CPNE2: variants seen among roughly 807,000 people sequenced by gnomAD.
CPNE2 encodes copine 2, also known as copine-2.
In CPNE2, 42 loss-of-function variants were observed where a neutral mutation model predicts 69.7. The ratio of observed to expected loss-of-function variants is 0.60; its 90% confidence interval spans 0.47 to 0.78. The LOEUF is 0.78. CPNE2 is among the 30% of genes least tolerant of loss of function. The pLI is 0.00. For missense variants in CPNE2, 587 were observed against 732.0 expected (o/e 0.80, Z 2.29); for synonymous variants, 294 against 289.8 (o/e 1.01, Z -0.15).
intron 1 of CPNE2, among the ~76,000 whole-genome samples, chr16:57,097,896 A>G (rs2145231231): frequency 6.6e-6 from 1 of 152,254 alleles, no homozygotes; most frequent in African/African-American, 2.4e-5. Context: ...GCCTATCCCC[A>G]TGTGGAGCTT....
intron 12 of CPNE2, 125 bp downstream of exon 12, chr16:57,128,028 C>A: frequency 1.1e-6 from 1 of 891,408 alleles, no homozygotes; most frequent in Non-Finnish European, 1.8e-6. Context: ...TGTGTTCACC[C>A]CAGGCCACGC....
rs553796398 is a variant in CPNE2 at position 57,125,992 on chromosome 16, A to G, written c.1060A>G (p.Ser354Gly). Residue 354 changes from serine (S) to glycine (G), a missense_variant and splice_region_variant, in exon 11 of 16, where the codon AGT becomes GGT. By Grantham distance (56) the Ser-to-Gly change is moderately conservative. This residue lies in a region of CPNE2 where 269 missense variants were observed against 300.5 expected (regional missense o/e 0.90). Transcript: ENST00000290776. The stretch of plus-strand genomic sequence containing the variant: ...TGGGCAGATCATTCAGGACTACGAC[A>G]GGTAAGGTTGGAGAGGGGCTCTGAA... ...AVGQIIQDYD[S>G]DKMFPALGFG... is the part of the protein sequence containing the mutation. 1 of 1,614,066 alleles carries G rather than the reference A, an allele frequency of 6.2e-7. No homozygotes were observed. The highest frequency in any genetic ancestry group is 1.3e-5 in the African/African-American group (1 of 75,054).
chr16:57,123,770 C>T, intron 10 of CPNE2: 1 of 463,238 alleles, frequency 2.2e-6, no homozygotes. Context: ...GGCCACAAGG[C>T]CTTCAGCGAT....
At chr16:57,112,398 G>A (rs2069687234) in intron 2 of CPNE2, among the ~76,000 whole-genome samples, 1 of 151,844 alleles carries the variant, frequency 6.6e-6, no homozygotes, top group Non-Finnish European at 1.5e-5. Flanking sequence ...GTATCCCCCT[G>A]ACTCATAGCA....
intron 7 of CPNE2, among the ~76,000 whole-genome samples, chr16:57,120,843 A>G (rs998352302): frequency 6.6e-6 from 1 of 152,138 alleles, no homozygotes; most frequent in African/African-American, 2.4e-5. Flanking sequence ...CCAGGTGTAT[A>G]AGGAGTGGAG....
chr16:57,094,130 G>T (rs1442921849), intron 1 of CPNE2: 4 of 455,518 alleles, frequency 8.8e-6, no homozygotes, highest in Non-Finnish European at 1.8e-5. Flanking sequence ...GGATTGGAAG[G>T]GGTCACCCAG....
rs934684487 is a variant in CPNE2 at position 57,112,082 on chromosome 16, G to A, written c.180+1160G>A. Among the ~76,000 whole-genome samples the A allele has an allele frequency of 5.9e-5, 9 of 152,132 alleles. No homozygotes were observed. In the East Asian group the frequency reaches 9.6e-4, roughly 16 times the overall value. The stretch of plus-strand genomic sequence containing the variant: ...TTTAATGGATATTTAACTAGGCCAC[G>A]GTGGGAGTTCACCTGAACATACTGT... On this transcript the variant is annotated intron_variant, in intron 2 of 15. Transcript: ENST00000290776.
chr16:57,115,433 C>T lies in CPNE2; in HGVS notation c.361-43C>T, dbSNP rs760720084. The T allele has an allele frequency of 5.3e-6, 8 of 1,496,996 alleles. No homozygotes were observed. In the Admixed American group the frequency reaches 7.0e-5, roughly 13 times the overall value. The allele number at this position is 1,496,996 out of a possible 1,614,324, so 92.7% of individuals were successfully genotyped here. ...TGGAGGATTTTTCCTTCCCGGGCTT[C>T]CCCCGCTTCCTCACTGAGCGCCCTT... On this transcript the variant is annotated intron_variant, in intron 3 of 15. Transcript: ENST00000290776.
In CPNE2 at chr16:57,113,475, G is replaced by A. The variant is rs1462235675; in HGVS notation, c.360+8G>A. On this transcript the variant is annotated splice_region_variant and intron_variant, in intron 3 of 15. Transcript: ENST00000290776. Reference sequence around the variant, plus strand: ...TCCTGCAGCCTGGGCACGGTGAGCTGGGCCCTCCTGGGTGGGAGCAGGGGC... The same window carrying A: ...TCCTGCAGCCTGGGCACGGTGAGCTAGGCCCTCCTGGGTGGGAGCAGGGGC... The A allele has an allele frequency of 1.2e-6, 2 of 1,611,884 alleles. No individual in the cohort carries two copies. The highest frequency in any genetic ancestry group is 1.7e-5 in the Admixed American group (1 of 59,820).
At chr16:57,137,907 A>C (rs957625732) in intron 14 of CPNE2, among the ~76,000 whole-genome samples, 4 of 151,940 alleles carry the variant, frequency 2.6e-5, no homozygotes, top group Non-Finnish European at 5.9e-5. Flanking sequence ...CACCTTGCCC[A>C]CCTCCCCATT....
At chr16:57,138,645 C>T (rs971834948) in intron 14 of CPNE2, among the ~76,000 whole-genome samples, 2 of 13,580 alleles carry the variant, frequency 1.5e-4, no homozygotes, top group Non-Finnish European at 2.7e-4. Context: ...AGCAGCCTTC[C>T]CTGACCACTA....
rs1405329867 is a variant in CPNE2, at chr16:57,137,210, T to C, written c.1230T>C (p.Pro410=). Reference sequence around the variant, plus strand: ...TGCCCCACATCCGCTTCTACGGTCCTACCAATTTCTCCCCCATCGTCAACC... The same window carrying C: ...TGCCCCACATCCGCTTCTACGGTCCCACCAATTTCTCCCCCATCGTCAACC... ...ACLPHIRFYG[P]TNFSPIVNHV... Residue 410 remains proline (P), a synonymous_variant, in exon 14 of 16, where the codon CCT becomes CCC. Transcript: ENST00000290776. The C allele has an allele frequency of 6.2e-7, 1 of 1,614,118 alleles. No homozygotes were observed. The highest frequency in any genetic ancestry group is 1.3e-5 in the African/African-American group (1 of 74,954).
At chr16:57,101,428 AG>A (rs1204324941) in intron 1 of CPNE2, among the ~76,000 whole-genome samples, 2 of 152,178 alleles carry the variant, frequency 1.3e-5, no homozygotes, top group African/African-American at 4.8e-5. Context: ...AGCAGCCATC[AG>A]GGCCCGTAGG....
chr16:57,117,460 G>C (rs1198052315), intron 4 of CPNE2, 36 bp from the exon 5 acceptor site: 16 of 1,602,052 alleles, frequency 1.0e-5, no homozygotes, highest in Admixed American at 1.7e-5. Context: ...GGAGGCTGGG[G>C]GAGTCTGAGG....
chr16:57,099,471 C>T (rs562439151), intron 1 of CPNE2, among the ~76,000 whole-genome samples: 1 of 152,088 alleles, frequency 6.6e-6, no homozygotes, highest in South Asian at 2.1e-4. Context: ...TAATGTTTCT[C>T]CTAAGTGGTT....
In CPNE2 at chr16:57,113,271, T is replaced by C. The variant is rs780289918; in HGVS notation, c.181-17T>C. The stretch of plus-strand genomic sequence containing the variant: ...GCTGCCTTGACTCTGACTTCCATTT[T>C]CCTGCCCCTCTGCTAGTACGACAGG... On this transcript the variant is annotated splice_polypyrimidine_tract_variant and intron_variant, in intron 2 of 15. Transcript: ENST00000290776. 96 of 1,610,266 alleles carry C rather than the reference T, an allele frequency of 6.0e-5. No individual in the cohort carries two copies. The highest frequency in any genetic ancestry group is 8.1e-5 in the Non-Finnish European group (95 of 1,177,670).
intron 3 of CPNE2, 74 bp downstream of exon 3, chr16:57,113,541 T>C: frequency 4.1e-6 from 6 of 1,452,352 alleles, no homozygotes; most frequent in Non-Finnish European, 4.7e-6. Flanking sequence ...CTTCTCGTGC[T>C]GTCTTTCCCT....
chr16:57,112,390 A>G (rs1170811613), intron 2 of CPNE2, among the ~76,000 whole-genome samples: 1 of 151,892 alleles, frequency 6.6e-6, no homozygotes, highest in Non-Finnish European at 1.5e-5. Context: ...AGGGAGTGGT[A>G]TCCCCCTGAC....
At chr16:57,102,849 G>A (rs998428728) in intron 1 of CPNE2, among the ~76,000 whole-genome samples, 7 of 152,056 alleles carry the variant, frequency 4.6e-5, no homozygotes, top group Non-Finnish European at 1.0e-4. Flanking sequence ...TGATCCGCCC[G>A]CCTCAGCCTC....
Sources: allele counts gnomAD v4.1 joint callset (sites outside exome capture counted in the v4.1 genomes callset), GRCh38; gene constraint gnomAD v4.1.1; regional missense constraint gnomAD v4.1.1; transcripts MANE v1.5; gene names NCBI Gene and HGNC (gene_info 2026-07-23, HGNC 2026-07-21).